Variants in SLCO3A1 observed in about 807,000 individuals in gnomAD.
The protein encoded by SLCO3A1 is solute carrier organic anion transporter family member 3A1.
A neutral mutation model predicts 63.1 loss-of-function variants in SLCO3A1; 27 were observed. The observed-to-expected ratio is 0.43, with a 90% CI of 0.32 to 0.59. SLCO3A1 has a LOEUF of 0.59. SLCO3A1 is among the 20% of genes least tolerant of loss of function. The pLI is 0.09. For missense variants in SLCO3A1, 773 were observed against 945.8 expected, an observed-to-expected ratio of 0.82 and a Z score of 2.40; for synonymous variants, 473 against 409.9, an observed-to-expected ratio of 1.15 and a Z score of -1.86.
chr15:92,161,532 T>G (rs2048436850), intron 9 of SLCO3A1: 1 of 152,216 alleles, frequency 6.6e-6, no homozygotes, highest in South Asian at 2.1e-4. Flanking sequence ...CGTGAGGGTT[T>G]CAAAACTGGT....
At chr15:92,101,694 G>A (rs548722994) in intron 3 of SLCO3A1, among the ~76,000 whole-genome samples, 6 of 152,156 alleles carry the variant, frequency 3.9e-5, no homozygotes, top group African/African-American at 7.2e-5. Flanking sequence ...ACAGTGCTCC[G>A]GATAATTGAA....
chr15:91,874,947 A>G (rs1897364401), intron 1 of SLCO3A1, among the ~76,000 whole-genome samples: 1 of 152,196 alleles, frequency 6.6e-6, no homozygotes, highest in South Asian at 2.1e-4. Context: ...ATAATTGGTG[A>G]GGAATTCTTT....
rs4075586 is a variant in SLCO3A1 at position 91,855,591 on chromosome 15, C to T, written c.180+1503C>T. Reference sequence around the variant, plus strand: ...TTATTGTGTCTATAGTTATAATATGCAGTTGCAGACAGTACCTATTAGCCC... The same window carrying T: ...TTATTGTGTCTATAGTTATAATATGTAGTTGCAGACAGTACCTATTAGCCC... On this transcript the variant is annotated intron_variant, in intron 1 of 9. Coordinates refer to ENST00000318445, the MANE Select transcript of SLCO3A1 (RefSeq NM_013272.4). Among the ~76,000 whole-genome samples the T allele has an allele frequency of 3.1e-3, 476 of 152,218 alleles. 8 individuals carry two copies. The highest frequency in any genetic ancestry group is 0.011 in the African/African-American group (464 of 41,526).
chr15:91,867,853 T>C (rs1165232508), intron 1 of SLCO3A1, among the ~76,000 whole-genome samples: 2 of 152,182 alleles, frequency 1.3e-5, no homozygotes, highest in African/African-American at 2.4e-5. Context: ...GAGGTTTCCT[T>C]TCAGCTTCAA....
chr15:92,119,118 C>T (rs1179411074), intron 4 of SLCO3A1, among the ~76,000 whole-genome samples: 4 of 152,102 alleles, frequency 2.6e-5, no homozygotes, highest in Non-Finnish European at 5.9e-5. Context: ...CCTGGTGCCC[C>T]AGAGCTCTCT....
At chr15:92,096,493 A>AT (rs2047540524) in intron 3 of SLCO3A1, among the ~76,000 whole-genome samples, 1 of 152,166 alleles carries the variant, frequency 6.6e-6, no homozygotes, top group Non-Finnish European at 1.5e-5. Context: ...CTTGTGTCTG[A>AT]AAAGGAACAC....
At chr15:92,066,695 G>A (rs2047156418) in intron 2 of SLCO3A1, among the ~76,000 whole-genome samples, 1 of 152,206 alleles carries the variant, frequency 6.6e-6, no homozygotes, top group Non-Finnish European at 1.5e-5. Context: ...ATTGAGCTGA[G>A]GAGCAAATGA....
intron 3 of SLCO3A1, among the ~76,000 whole-genome samples, chr15:92,101,002 A>G (rs1050144012): frequency 3.3e-5 from 5 of 152,180 alleles, no homozygotes; most frequent in Non-Finnish European, 7.3e-5. Context: ...ACCTAACTTC[A>G]CAGAGTGAGG....
At chr15:92,090,339 C>T (rs2047456662) in intron 2 of SLCO3A1, among the ~76,000 whole-genome samples, 1 of 152,184 alleles carries the variant, frequency 6.6e-6, no homozygotes. Context: ...TCTGCCTTAC[C>T]CCTGTGAGTT....
rs1897604988 is a variant in SLCO3A1, at chr15:91,882,166, A to T, written c.180+28078A>T. On this transcript the variant is annotated intron_variant, in intron 1 of 9. Coordinates refer to ENST00000318445, the MANE Select transcript of SLCO3A1 (RefSeq NM_013272.4). This position sits in a 1 kb window ranked among gnomAD's most constrained non-coding sequence, Gnocchi z 4.4. ...GTGCTTACCTCTGAACACTAGGATCACGCTTAGCATGGTAATAGTGAGATC... is the reference window on the plus strand; with the variant it reads ...GTGCTTACCTCTGAACACTAGGATCTCGCTTAGCATGGTAATAGTGAGATC... Among the ~76,000 whole-genome samples, 1 of 152,148 alleles carries T rather than the reference A, an allele frequency of 6.6e-6. No individual in the cohort carries two copies. Among genetic ancestry groups the T allele is most frequent in the South Asian group, 2.1e-4 (1 of 4,832 alleles).
chr15:91,913,494 C>T (rs1003541847), intron 1 of SLCO3A1, among the ~76,000 whole-genome samples: 3 of 152,236 alleles, frequency 2.0e-5, no homozygotes, highest in African/African-American at 7.2e-5. Flanking sequence ...CCCCGAGTGC[C>T]TCCAATCTGC....
intron 4 of SLCO3A1, among the ~76,000 whole-genome samples, chr15:92,113,128 G>A (rs1056422843): frequency 6.6e-5 from 10 of 152,184 alleles, no homozygotes; most frequent in Non-Finnish European, 1.0e-4. Context: ...TGAATAAGAC[G>A]TTGCTGCCTC....
intron 2 of SLCO3A1, among the ~76,000 whole-genome samples, chr15:92,031,844 G>C (rs1222760503): frequency 8.4e-6 from 1 of 118,662 alleles, no homozygotes; most frequent in Non-Finnish European, 1.7e-5. Flanking sequence ...TAAATATACA[G>C]TAAATTACTG....
Position 91,897,808 on chromosome 15 carries a change from C to T in SLCO3A1, c.181-18185C>T, listed in dbSNP as rs1351050053. ...ACAGACTGTTCTCTCTATTTTCTGA[C>T]CTGCTCAGGCATCCTGCAATGGATG... On this transcript the variant is annotated intron_variant, in intron 1 of 9. Transcript: ENST00000318445. The surrounding 1 kb of genome is among the most constrained non-coding windows in gnomAD (Gnocchi z 4.7). 3.3e-5 allele frequency among the ~76,000 whole-genome samples: 5 copies of T among 152,156 alleles called. No homozygotes were observed. Among genetic ancestry groups the T allele is most frequent in the African/African-American group, 9.7e-5 (4 of 41,434 alleles).
chr15:92,138,031 G>A (rs1376757761), intron 7 of SLCO3A1, among the ~76,000 whole-genome samples: 74 of 107,316 alleles, frequency 6.9e-4, no homozygotes, highest in Middle Eastern at 3.9e-3. Flanking sequence ...TTGGTGTTTT[G>A]GACATGAAGT....
intron 6 of SLCO3A1, 23 bp downstream of exon 6, chr15:92,126,282 G>A (rs190325622): frequency 1.1e-3 from 1,808 of 1,597,054 alleles, no homozygotes; most frequent in Non-Finnish European, 1.4e-3. Flanking sequence ...AGTGTCTGCC[G>A]CCTTCCTGCC....
chr15:92,024,688 C>A (rs1366764799), intron 2 of SLCO3A1, among the ~76,000 whole-genome samples: 2 of 152,162 alleles, frequency 1.3e-5, no homozygotes, highest in African/African-American at 4.8e-5. Flanking sequence ...AATTTAACAT[C>A]TACACAAAGC....
At chr15:92,171,668 T>C (rs1258549363) in intron 10 of SLCO3A1, 8 of 760,508 alleles carry the variant, frequency 1.1e-5, no homozygotes, top group Admixed American at 2.1e-5. Flanking sequence ...CCTACTCTTG[T>C]CCCTTCACTG....
At chr15:92,057,085 C>G (rs2047030426) in intron 2 of SLCO3A1, among the ~76,000 whole-genome samples, 3 of 152,204 alleles carry the variant, frequency 2.0e-5, no homozygotes, top group Admixed American at 1.3e-4. Context: ...ATCAGAGCAC[C>G]CAGCCAGCTG....
Sources: gnomAD v4.1 joint callset for allele counts (sites outside exome capture counted in the v4.1 genomes callset) on GRCh38, gnomAD v4.1.1 for gene constraint, Gnocchi (gnomAD v3.1) non-coding constraint, MANE v1.5 for transcripts, NCBI Gene and HGNC (gene_info 2026-07-23, HGNC 2026-07-21) for gene names.